PTPRD: variants seen among roughly 807,000 people sequenced by gnomAD.
PTPRD encodes the protein protein tyrosine phosphatase receptor type D, also known as receptor-type tyrosine-protein phosphatase delta.
PTPRD carries 34 observed loss-of-function variants against 214.5 expected under a neutral mutation model. That is an observed-to-expected ratio of 0.16 (90% confidence interval 0.12 to 0.21). The LOEUF (loss-of-function observed/expected upper bound fraction) is 0.21, where lower values mean the gene tolerates loss of function less well. PTPRD is among the 10% of genes least tolerant of loss of function. PTPRD has a pLI of 1.00. For missense variants in PTPRD, 2,545 were observed against 2,398.7 expected, an observed-to-expected ratio of 1.06 and a Z score of -1.27; for synonymous variants, 1,128 against 845.7, an observed-to-expected ratio of 1.33 and a Z score of -5.79.
intron 3 of PTPRD, among the ~76,000 whole-genome samples, chr9:10,339,248 GC>G (rs1320346436): frequency 1.3e-5 from 2 of 151,766 alleles, no homozygotes; most frequent in Admixed American, 6.6e-5. Context: ...TTACAACCAT[GC>G]AGTTGACATT....
At chr9:10,363,411 C>T (rs1411321071) in intron 2 of PTPRD, among the ~76,000 whole-genome samples, 1 of 152,168 alleles carries the variant, frequency 6.6e-6, no homozygotes, top group East Asian at 1.9e-4. Context: ...TACACACTTC[C>T]CTTCTTATTT....
At chr9:8,607,520 G>A (rs1002947645) in intron 14 of PTPRD, among the ~76,000 whole-genome samples, 4 of 152,134 alleles carry the variant, frequency 2.6e-5, no homozygotes, top group African/African-American at 9.7e-5. Flanking sequence ...ACACGCGCCT[G>A]TAATACCAGC....
At chr9:8,496,395 G>A (rs891361791) in intron 26 of PTPRD, among the ~76,000 whole-genome samples, 8 of 152,070 alleles carry the variant, frequency 5.3e-5, no homozygotes, top group South Asian at 2.1e-4. Context: ...ATTTTGCTGC[G>A]TTCTATGAAA....
rs554695567 is a variant in PTPRD at position 9,741,577 on chromosome 9, G to A, written c.-325-7006C>T. Among the ~76,000 whole-genome samples the A allele has an allele frequency of 8.5e-5, 13 of 152,172 alleles. No homozygotes were observed. In the South Asian group the frequency reaches 2.7e-3, roughly 32 times the overall value. The stretch of plus-strand genomic sequence containing the variant: ...CCCATCAACCCATCATCTACATTAG[G>A]TATTTCTCCTAATGCTATCCCTCCC... On this transcript the variant is annotated intron_variant, in intron 6 of 45. Transcript: ENST00000381196.
chr9:9,300,805 T>C (rs1195228155), intron 9 of PTPRD, among the ~76,000 whole-genome samples: 1 of 151,884 alleles, frequency 6.6e-6, no homozygotes, highest in African/African-American at 2.4e-5. Context: ...CAATTTATGG[T>C]ATTTTGTTAT....
intron 5 of PTPRD, among the ~76,000 whole-genome samples, chr9:9,783,371 T>C (rs566418824): frequency 6.6e-6 from 1 of 152,264 alleles, no homozygotes; most frequent in South Asian, 2.1e-4. Flanking sequence ...GAATCTTTCT[T>C]TTCATTAGAC....
intron 33 of PTPRD, among the ~76,000 whole-genome samples, chr9:8,454,182 G>C (rs953991672): frequency 2.0e-5 from 3 of 152,088 alleles, no homozygotes; most frequent in Non-Finnish European, 4.4e-5. Flanking sequence ...AATATCATTA[G>C]GTGATCTGTA....
At chr9:9,135,793 G>C (rs1428780572) in intron 10 of PTPRD, among the ~76,000 whole-genome samples, 2 of 150,492 alleles carry the variant, frequency 1.3e-5, no homozygotes, top group African/African-American at 4.9e-5. Flanking sequence ...TTTAAAGATA[G>C]AATAGCAGCT....
At chr9:8,442,331 C>T (rs1015952356) in intron 34 of PTPRD, among the ~76,000 whole-genome samples, 2 of 151,864 alleles carry the variant, frequency 1.3e-5, no homozygotes, top group African/African-American at 4.9e-5. Context: ...TTATCAAACA[C>T]TTGCTCTATT....
At chr9:10,037,764 T>G (rs1402684479) in intron 3 of PTPRD, among the ~76,000 whole-genome samples, 1 of 152,140 alleles carries the variant, frequency 6.6e-6, no homozygotes, top group Non-Finnish European at 1.5e-5. Flanking sequence ...TTTGTTAACC[T>G]GCAACTTTAA....
At chr9:8,449,120 CTTTAT>C (rs933725763) in intron 34 of PTPRD, among the ~76,000 whole-genome samples, 9 of 152,216 alleles carry the variant, frequency 5.9e-5, no homozygotes, top group African/African-American at 1.7e-4. Context: ...ACTTAATGTT[CTTTAT>C]TTTAAGAAAC....
chr9:10,392,299 C>T (rs967007914), intron 2 of PTPRD, among the ~76,000 whole-genome samples: 1 of 151,840 alleles, frequency 6.6e-6, no homozygotes, highest in African/African-American at 2.4e-5. Context: ...GGTGGCATTA[C>T]TTTGAATCAT....
intron 2 of PTPRD, among the ~76,000 whole-genome samples, chr9:10,523,160 G>C (rs946474947): frequency 2.6e-5 from 4 of 151,808 alleles, no homozygotes; most frequent in African/African-American, 9.7e-5. Context: ...TAGAACATTT[G>C]GGAAATATAC....
chr9:9,147,334 G>C (rs1236322998), intron 10 of PTPRD, among the ~76,000 whole-genome samples: 1 of 151,178 alleles, frequency 6.6e-6, no homozygotes, highest in Non-Finnish European at 1.5e-5. Flanking sequence ...GGTGGGGGAG[G>C]GGATTAATAC....
intron 2 of PTPRD, among the ~76,000 whole-genome samples, chr9:10,382,751 T>G (rs2097848061): frequency 6.6e-6 from 1 of 151,932 alleles, no homozygotes; most frequent in Admixed American, 6.6e-5. Flanking sequence ...TTTTATCCAC[T>G]AATTTGCATG....
intron 3 of PTPRD, among the ~76,000 whole-genome samples, chr9:10,259,338 A>G (rs1303203677): frequency 2.0e-5 from 3 of 152,010 alleles, no homozygotes; most frequent in African/African-American, 7.3e-5. Context: ...TCTGTTTCTT[A>G]TGTGTAGTGA....
At chr9:9,014,200 T>TG (rs1294306142) in intron 11 of PTPRD, among the ~76,000 whole-genome samples, 2,413 of 120,236 alleles carry the variant, frequency 0.02, 36 homozygotes, top group East Asian at 0.028. Flanking sequence ...TGTTTGTTTG[T>TG]TTTTTTTTTT....
At chr9:8,426,180 TGCCTAA>T (rs2094655163) in intron 35 of PTPRD, among the ~76,000 whole-genome samples, 4 of 152,192 alleles carry the variant, frequency 2.6e-5, no homozygotes, top group Non-Finnish European at 5.9e-5. Flanking sequence ...ATGGGCCAGG[TGCCTAA>T]CATATATTCA....
intron 11 of PTPRD, among the ~76,000 whole-genome samples, chr9:8,774,270 C>G (rs1379860416): frequency 3.3e-5 from 5 of 152,102 alleles, no homozygotes; most frequent in Non-Finnish European, 7.4e-5. Flanking sequence ...TTTTAGGTAG[C>G]ATACCTTATA....
Sources: allele counts gnomAD v4.1 joint callset (sites outside exome capture counted in the v4.1 genomes callset), GRCh38; gene constraint gnomAD v4.1.1; transcripts MANE v1.5; gene names NCBI Gene and HGNC (gene_info 2026-07-23, HGNC 2026-07-21).